The following IFT88 variants were observed in gnomAD, a reference collection of about 807,000 sequenced individuals.
The protein encoded by IFT88 is intraflagellar transport protein 88 homolog.
In IFT88, 74 loss-of-function variants were observed where a neutral mutation model predicts 119.5. The observed-to-expected ratio is 0.62, with a 90% CI of 0.51 to 0.75. The LOEUF is 0.75. Among genes scored for constraint, IFT88 ranks in the 30% least tolerant of loss-of-function variants. The pLI is 0.00. For missense variants in IFT88, 961 were observed against 977.7 expected (o/e 0.98, Z 0.23); for synonymous variants, 279 against 316.7 (o/e 0.88, Z 1.26).
intron 14 of IFT88, among the ~76,000 whole-genome samples, chr13:20,622,540 G>A (rs7322183): frequency 0.7 from 105,780 of 152,048 alleles, 37,842 homozygotes; most frequent in East Asian, 1. Context: ...GTATGGTGGC[G>A]TCCCATTGTT....
chr13:20,655,026 A>G (rs533156013), intron 21 of IFT88, among the ~76,000 whole-genome samples: 1 of 152,182 alleles, frequency 6.6e-6, no homozygotes, highest in African/African-American at 2.4e-5. Context: ...CTCATTTGCT[A>G]AGATTTTAGG....
At chr13:20,573,529 C>T (rs2036795680) in intron 1 of IFT88, among the ~76,000 whole-genome samples, 1 of 152,102 alleles carries the variant, frequency 6.6e-6, no homozygotes, top group African/African-American at 2.4e-5. Context: ...TTTTTGTAGA[C>T]ATATGTTTTC....
rs539702624 is a variant in IFT88 at position 20,660,337 on chromosome 13, C to G, written c.2069-3161C>G. Among the ~76,000 whole-genome samples, 4 of 152,212 alleles carry G rather than the reference C, an allele frequency of 2.6e-5. No individual in the cohort carries two copies. The East Asian group carries it at 7.7e-4, about 29-fold the overall frequency. On this transcript the variant is annotated intron_variant, in intron 22 of 25. Transcript: ENST00000351808. Reference sequence around the variant, plus strand: ...GGAGAGAGAGGCAGAGTGGGTGGGCCAGGACCTGTGGATCCTCACAGGCCT... The same window carrying G: ...GGAGAGAGAGGCAGAGTGGGTGGGCGAGGACCTGTGGATCCTCACAGGCCT...
At chr13:20,676,691 A>C (rs2056709943) in intron 24 of IFT88, among the ~76,000 whole-genome samples, 2 of 152,236 alleles carry the variant, frequency 1.3e-5, no homozygotes, top group Non-Finnish European at 2.9e-5. Flanking sequence ...TCTTGAAGTT[A>C]CCAATTTGGA....
At chr13:20,577,005 A>G (rs2037514617) in intron 2 of IFT88, among the ~76,000 whole-genome samples, 1 of 152,184 alleles carries the variant, frequency 6.6e-6, no homozygotes, top group Admixed American at 6.5e-5. Context: ...AACATGAAAC[A>G]TCTTTCCATT....
chr13:20,617,301 G>A (rs2045789257), intron 14 of IFT88, among the ~76,000 whole-genome samples: 1 of 151,992 alleles, frequency 6.6e-6, no homozygotes, highest in South Asian at 2.1e-4. Context: ...GGTGGGTAAG[G>A]GATTCAGATA....
chr13:20,583,293 C>T (rs2039055785), intron 3 of IFT88, among the ~76,000 whole-genome samples: 4 of 152,156 alleles, frequency 2.6e-5, no homozygotes, highest in Admixed American at 6.6e-5. Context: ...AATTTAGATA[C>T]CTTACATAAG....
chr13:20,602,654 G>A (rs2042802804), intron 12 of IFT88, among the ~76,000 whole-genome samples: 1 of 152,204 alleles, frequency 6.6e-6, no homozygotes, highest in African/African-American at 2.4e-5. Flanking sequence ...GGAGGCTGAG[G>A]TGGGCAGATT....
chr13:20,661,762 A>C (rs2053838377), intron 22 of IFT88, among the ~76,000 whole-genome samples: 1 of 152,078 alleles, frequency 6.6e-6, no homozygotes. Context: ...ATAAATGTAC[A>C]AGAACAAAGA....
chr13:20,597,160 G>A (rs756680494), intron 9 of IFT88, 41 bp downstream of exon 9: 16 of 1,181,120 alleles, frequency 1.4e-5, no homozygotes, highest in Non-Finnish European at 1.7e-5. Flanking sequence ...ATAAAATTTT[G>A]ACTAGGGTTA....
At position 20,605,017 on chromosome 13, in the gene IFT88, T is replaced by A. The variant is rs777058980; in HGVS notation, c.1042-18T>A. 1 of 1,232,940 alleles carries A rather than the reference T, an allele frequency of 8.1e-7. No homozygotes were observed. Among genetic ancestry groups the A allele is most frequent in the Non-Finnish European group, 1.2e-6 (1 of 848,032 alleles). 76.4% of individuals were successfully genotyped at this position (1,232,940 alleles called of 1,614,324 possible). ...TACTTCTGAATTATTCTTTTTTTCT[T>A]CCATTTTATTTTACCAGGATGATCC... On this transcript the variant is annotated intron_variant, in intron 12 of 25. Transcript: ENST00000351808.
chr13:20,617,234 T>G (rs1227255255), intron 14 of IFT88, among the ~76,000 whole-genome samples: 1 of 152,136 alleles, frequency 6.6e-6, no homozygotes, highest in Non-Finnish European at 1.5e-5. Context: ...CACAATTTGC[T>G]AGTGTGTTTC....
At position 20,652,700 on chromosome 13, in the gene IFT88, T is replaced by A. The variant is rs1040645671; in HGVS notation, c.1950-1176T>A. 2.0e-5 allele frequency among the ~76,000 whole-genome samples: 3 copies of A among 152,162 alleles called. No individual in the cohort carries two copies. In the East Asian group the frequency reaches 5.8e-4, roughly 29 times the overall value. ...AGATTGACAGTATTAGAAGTCATTA[T>A]ACTTACCTTTATAGAGGAAGGAAGG... On this transcript the variant is annotated intron_variant, in intron 20 of 25. Transcript: ENST00000351808.
At chr13:20,603,639 T>A (rs2042965714) in intron 12 of IFT88, among the ~76,000 whole-genome samples, 1 of 152,214 alleles carries the variant, frequency 6.6e-6, no homozygotes, top group African/African-American at 2.4e-5. Flanking sequence ...CTCACACCTG[T>A]AATCCCAGCA....
At chr13:20,582,238 A>G (rs2038830180) in intron 2 of IFT88, among the ~76,000 whole-genome samples, 2 of 152,232 alleles carry the variant, frequency 1.3e-5, no homozygotes, top group South Asian at 2.1e-4. Flanking sequence ...TATTTTGTTC[A>G]GGAAACACAG....
At chr13:20,626,955 TATC>T (rs2047435085) in intron 15 of IFT88, among the ~76,000 whole-genome samples, 1 of 152,220 alleles carries the variant, frequency 6.6e-6, no homozygotes, top group African/African-American at 2.4e-5. Context: ...GCTTTCAGTT[TATC>T]TTCCTATTTA....
intron 20 of IFT88, among the ~76,000 whole-genome samples, chr13:20,648,586 C>A (rs2051101549): frequency 6.6e-6 from 1 of 151,040 alleles, no homozygotes; most frequent in South Asian, 2.1e-4. Flanking sequence ...AACAAAATAC[C>A]AAAAAAGAGT....
At chr13:20,668,516 A>G (rs1371990114) in intron 23 of IFT88, among the ~76,000 whole-genome samples, 1 of 152,200 alleles carries the variant, frequency 6.6e-6, no homozygotes, top group Non-Finnish European at 1.5e-5. Context: ...AGCTATTACA[A>G]TGGTACAGCT....
At chr13:20,667,497 C>T (rs181375652) in intron 23 of IFT88, among the ~76,000 whole-genome samples, 511 of 152,236 alleles carry the variant, frequency 3.4e-3, no homozygotes, top group Non-Finnish European at 5.6e-3. Context: ...GGGTGTTCCC[C>T]GTGGAGTTGG....
Sources: allele counts gnomAD v4.1 joint callset (sites outside exome capture counted in the v4.1 genomes callset), GRCh38; gene constraint gnomAD v4.1.1; transcripts MANE v1.5; gene names NCBI Gene and HGNC (gene_info 2026-07-23, HGNC 2026-07-21).